MYLK: variants seen among roughly 807,000 people sequenced by gnomAD.
MYLK encodes the protein myosin light chain kinase.
Under a neutral mutation model 203.4 loss-of-function variants are expected in MYLK, and 106 were observed. The observed-to-expected ratio is 0.52, with a 90% confidence interval of 0.45 to 0.61. The LOEUF is 0.61. Ranked by LOEUF, MYLK falls within the 20% of genes least tolerant of loss-of-function variation. MYLK has a pLI of 0.00. For synonymous variants in MYLK, 867 were observed against 959.5 expected (o/e 0.90, Z 1.78); for missense variants, 2,072 against 2,442.3 (o/e 0.85, Z 3.20).
intron 23 of MYLK, among the ~76,000 whole-genome samples, chr3:123,660,480 C>T (rs183006203): frequency 4.1e-4 from 62 of 152,274 alleles, no homozygotes; most frequent in African/African-American, 1.2e-3. Context: ...CTCCCTTATT[C>T]CCCACAGGCC....
intron 5 of MYLK, among the ~76,000 whole-genome samples, chr3:123,748,822 G>A (rs1231875410): frequency 1.3e-5 from 2 of 152,128 alleles, no homozygotes; most frequent in African/African-American, 2.4e-5. Flanking sequence ...TGTAACCCCA[G>A]CATTCTGGGA....
intron 16 of MYLK, among the ~76,000 whole-genome samples, chr3:123,704,206 A>C (rs2061361397): frequency 6.6e-6 from 1 of 152,382 alleles, no homozygotes; most frequent in African/African-American, 2.4e-5. Flanking sequence ...TGGCAGGGCA[A>C]TAGCAGTAAC....
chr3:123,817,481 A>C (rs933350226), intron 3 of MYLK, among the ~76,000 whole-genome samples: 3 of 152,210 alleles, frequency 2.0e-5, no homozygotes, highest in Admixed American at 1.3e-4. Flanking sequence ...TGCTCAGCCC[A>C]GGCCTACAGC....
At chr3:123,673,246 T>C (rs1354686209) in intron 20 of MYLK, among the ~76,000 whole-genome samples, 1 of 148,594 alleles carries the variant, frequency 6.7e-6, no homozygotes, top group Non-Finnish European at 1.5e-5. Flanking sequence ...CACTGTAGCC[T>C]CGACCTGCTG....
chr3:123,744,375 A>G (rs2062952128), intron 5 of MYLK, among the ~76,000 whole-genome samples: 1 of 152,258 alleles, frequency 6.6e-6, no homozygotes, highest in African/African-American at 2.4e-5. Context: ...ATGCTGTACA[A>G]GTAGCACAGC....
intron 2 of MYLK, among the ~76,000 whole-genome samples, chr3:123,860,145 T>A (rs767944347): frequency 6.6e-6 from 1 of 152,242 alleles, no homozygotes; most frequent in Non-Finnish European, 1.5e-5. Context: ...CCTTCTGTTA[T>A]GCTGGTTAAA....
rs540859395 is a variant in MYLK at position 123,765,388 on chromosome 3, G to A, written c.166-12850C>T. Among the ~76,000 whole-genome samples the A allele has an allele frequency of 5.3e-4, 80 of 152,046 alleles. 2 individuals carry two copies. The South Asian group carries it at 7.7e-3, about 15-fold the overall frequency. On this transcript the variant is annotated intron_variant, in intron 4 of 33. Coordinates refer to ENST00000360304, the MANE Select transcript of MYLK (RefSeq NM_053025.4). ...TCTACTAAAAATTCAAAAATTAGCC[G>A]GGGGTGGTGGCGCATGCCTGTAATC...
At chr3:123,829,959 G>T (rs1247101905) in intron 3 of MYLK, among the ~76,000 whole-genome samples, 2 of 152,084 alleles carry the variant, frequency 1.3e-5, no homozygotes, top group African/African-American at 4.8e-5. Context: ...TGTGCCCCTA[G>T]GCTTTAAAAC....
intron 3 of MYLK, among the ~76,000 whole-genome samples, chr3:123,820,011 A>T (rs1045253981): frequency 2.9e-4 from 44 of 151,944 alleles, no homozygotes; most frequent in African/African-American, 1.0e-3. Flanking sequence ...ACTTCATTCA[A>T]TTTGTTGGCA....
chr3:123,833,198 C>G (rs115389570), intron 2 of MYLK, among the ~76,000 whole-genome samples: 354 of 152,182 alleles, frequency 2.3e-3, no homozygotes, highest in African/African-American at 8.1e-3. Context: ...TGTTTGGCCA[C>G]AGGACCAAAT....
rs2066332383 is a variant in MYLK, at chr3:123,831,664, G to C, written c.-120C>G. ...TCTGAACTGCAGCAGAGGCAGCCGGGAGCCACCTGGGTGGGTGGGAAGGAG... is the reference window on the plus strand; with the variant it reads ...TCTGAACTGCAGCAGAGGCAGCCGGCAGCCACCTGGGTGGGTGGGAAGGAG... On this transcript the variant is annotated 5_prime_UTR_variant, in exon 3 of 34. Transcript: ENST00000360304. The C allele has an allele frequency of 4.1e-6, 1 of 244,800 alleles. No homozygotes were observed. The highest frequency in any genetic ancestry group is 4.7e-5 in the Admixed American group (1 of 21,242). 15.2% of individuals were successfully genotyped at this position (244,800 alleles called of 1,614,324 possible).
intron 31 of MYLK, chr3:123,624,773 C>G (rs951681454): frequency 1.3e-5 from 2 of 152,276 alleles, no homozygotes; most frequent in Non-Finnish European, 2.9e-5. Flanking sequence ...GACCCACCTT[C>G]CCATGAGGGG....
chr3:123,697,374 A>C, intron 18 of MYLK, among the ~76,000 whole-genome samples: 1 of 152,218 alleles, frequency 6.6e-6, no homozygotes, highest in East Asian at 1.9e-4. Context: ...AAATACCAGA[A>C]ACCTGGCAAG....
At chr3:123,778,231 C>T (rs1369886454) in intron 4 of MYLK, among the ~76,000 whole-genome samples, 1 of 152,082 alleles carries the variant, frequency 6.6e-6, no homozygotes, top group African/African-American at 2.4e-5. Context: ...TACTCCAGTA[C>T]ACATATATGG....
At chr3:123,848,095 T>C (rs772207584) in intron 2 of MYLK, among the ~76,000 whole-genome samples, 2 of 152,054 alleles carry the variant, frequency 1.3e-5, no homozygotes, top group African/African-American at 4.8e-5. Context: ...GAAGTAGTTA[T>C]GGCAAATTAT....
intron 19 of MYLK, among the ~76,000 whole-genome samples, chr3:123,687,648 CCTTCCTTCCCTTT>C (rs1489473745): frequency 2.0e-5 from 3 of 151,196 alleles, no homozygotes; most frequent in African/African-American, 7.3e-5. Flanking sequence ...TTCCCTCCTT[CCTTCCTTCCCTTT>C]CTTCCTTTTC....
Position 123,613,868 on chromosome 3 carries a change from C to G in MYLK, c.*237G>C, listed in dbSNP as rs1320132361. ...TGGTCAGTCAAGTTACTGGTGATTT[C>G]CCTAAATGAAATCTAGCTGCACTAG... On this transcript the variant is annotated 3_prime_UTR_variant, in exon 34 of 34. Coordinates refer to ENST00000360304, the MANE Select transcript of MYLK (RefSeq NM_053025.4). The G allele has an allele frequency of 7.4e-6, 4 of 543,482 alleles. No homozygotes were observed. The East Asian group carries it at 1.3e-4, about 18-fold the overall frequency. 33.7% of individuals were successfully genotyped at this position (543,482 alleles called of 1,614,324 possible). A position where few individuals can be genotyped will look rare whatever the true frequency, so the allele number is the denominator to read the frequency against.
chr3:123,649,469 G>A (rs1391909702), intron 24 of MYLK, among the ~76,000 whole-genome samples: 7 of 152,198 alleles, frequency 4.6e-5, no homozygotes, highest in African/African-American at 1.2e-4. Flanking sequence ...ATGGTCCCCA[G>A]ATATACCCTT....
At chr3:123,776,443 A>G (rs2064081277) in intron 4 of MYLK, among the ~76,000 whole-genome samples, 1 of 152,254 alleles carries the variant, frequency 6.6e-6, no homozygotes, top group South Asian at 2.1e-4. Flanking sequence ...TCCCAAGGAA[A>G]TAATATTAAA....
Sources: allele counts gnomAD v4.1 joint callset (sites outside exome capture counted in the v4.1 genomes callset), GRCh38; gene constraint gnomAD v4.1.1; transcripts MANE v1.5; gene names NCBI Gene and HGNC (gene_info 2026-07-23, HGNC 2026-07-21).